ASCC3: variants seen among roughly 807,000 people sequenced by gnomAD.
ASCC3 encodes the protein ASC-1 complex subunit P200.
In ASCC3, 158 loss-of-function variants were observed where a neutral mutation model predicts 256.3. That is an observed-to-expected ratio of 0.62 (90% CI 0.54 to 0.70). The LOEUF (loss-of-function observed/expected upper bound fraction) is 0.70. Ranked by LOEUF, ASCC3 falls within the 30% of genes least tolerant of loss-of-function variation. ASCC3 has a pLI of 0.00. For synonymous variants in ASCC3, 948 were observed against 883.4 expected, an observed-to-expected ratio of 1.07 and a Z score of -1.30; for missense variants, 2,259 against 2,626.0, an observed-to-expected ratio of 0.86 and a Z score of 3.05.
At chr6:100,829,066 G>A (rs1020063525) in intron 4 of ASCC3, among the ~76,000 whole-genome samples, 2 of 152,128 alleles carry the variant, frequency 1.3e-5, no homozygotes, top group Admixed American at 6.6e-5. Flanking sequence ...GTCCCCACCA[G>A]AGTAGCTAGA....
At chr6:100,572,899 A>G (rs775373499) in intron 36 of ASCC3, among the ~76,000 whole-genome samples, 2 of 152,142 alleles carry the variant, frequency 1.3e-5, no homozygotes, top group Non-Finnish European at 2.9e-5. Flanking sequence ...AAAAGTATAT[A>G]TCTTACATGT....
chr6:100,816,504 A>C (rs1182414892), intron 4 of ASCC3, among the ~76,000 whole-genome samples: 2 of 152,220 alleles, frequency 1.3e-5, no homozygotes, highest in Non-Finnish European at 2.9e-5. Context: ...ATATGGAGTC[A>C]ACCTAAATCC....
intron 13 of ASCC3, among the ~76,000 whole-genome samples, chr6:100,690,556 C>A (rs950776960): frequency 6.6e-6 from 1 of 152,060 alleles, no homozygotes; most frequent in African/African-American, 2.4e-5. Context: ...CATTTAACAA[C>A]CAGCACTTAT....
rs577100486 is a variant in ASCC3 at position 100,708,787 on chromosome 6, A to T, written c.2151+6675T>A. Reference sequence around the variant, plus strand: ...TGTTAATCATATTTAAATCACACTTAAAAAAATTCAGGGGCTAAAAGACCA... The same window carrying T: ...TGTTAATCATATTTAAATCACACTTTAAAAAATTCAGGGGCTAAAAGACCA... On this transcript the variant is annotated intron_variant, in intron 13 of 41. Transcript: ENST00000369162. Among the ~76,000 whole-genome samples the T allele has an allele frequency of 1.1e-4, 16 of 152,272 alleles. No individual in the cohort carries two copies. The South Asian group carries it at 3.3e-3, about 32-fold the overall frequency.
At chr6:100,629,892 A>G (rs1486517702) in intron 26 of ASCC3, among the ~76,000 whole-genome samples, 1 of 151,894 alleles carries the variant, frequency 6.6e-6, no homozygotes, top group African/African-American at 2.4e-5. Flanking sequence ...TACTAAAATA[A>G]TTTCTTTTCT....
intron 3 of ASCC3, 56 bp downstream of exon 3, chr6:100,864,008 T>C (rs1284326100): frequency 1.5e-6 from 2 of 1,369,560 alleles, no homozygotes; most frequent in Non-Finnish European, 9.8e-7. Context: ...AAGGAATCTG[T>C]TTTTGAACCT....
intron 13 of ASCC3, among the ~76,000 whole-genome samples, chr6:100,683,422 A>G (rs1427455981): frequency 6.6e-6 from 1 of 152,172 alleles, no homozygotes; most frequent in Admixed American, 6.5e-5. Flanking sequence ...TTAAAGTAAC[A>G]ATTTCATTTT....
chr6:100,807,252 A>G (rs2114370178), intron 4 of ASCC3, among the ~76,000 whole-genome samples: 1 of 152,082 alleles, frequency 6.6e-6, no homozygotes, highest in South Asian at 2.1e-4. Flanking sequence ...TAACAGGAAA[A>G]TGGTCAAGAA....
chr6:100,859,916 T>A (rs1773141270), intron 3 of ASCC3, among the ~76,000 whole-genome samples: 1 of 152,022 alleles, frequency 6.6e-6, no homozygotes, highest in Admixed American at 6.6e-5. Context: ...CAATGCACTC[T>A]GGGACAACTT....
Position 100,734,657 on chromosome 6 carries a change from C to T in ASCC3, c.1738-8954G>A, listed in dbSNP as rs547279570. Among the ~76,000 whole-genome samples, 16 of 152,216 alleles carry T rather than the reference C, an allele frequency of 1.1e-4. No individual in the cohort carries two copies. The East Asian group carries it at 2.9e-3, about 28-fold the overall frequency. On this transcript the variant is annotated intron_variant, in intron 10 of 41. Coordinates refer to ENST00000369162, the MANE Select transcript of ASCC3 (RefSeq NM_006828.4). The stretch of plus-strand genomic sequence containing the variant: ...AAGTGTCTGCTATTATTATTGCTGT[C>T]CCTATCCCCAGTCCTGTACCACCAT...
At chr6:100,659,435 A>G (rs542872778) in intron 16 of ASCC3, among the ~76,000 whole-genome samples, 21 of 151,610 alleles carry the variant, frequency 1.4e-4, no homozygotes, top group African/African-American at 4.6e-4. Flanking sequence ...TAGTTCAACA[A>G]TGGCTATACT....
intron 39 of ASCC3, among the ~76,000 whole-genome samples, chr6:100,514,540 T>C (rs1773926358): frequency 6.6e-6 from 1 of 152,072 alleles, no homozygotes; most frequent in South Asian, 2.1e-4. Context: ...CTTTTATATA[T>C]ATGTAATTTT....
At chr6:100,671,903 T>C (rs772845597) in intron 14 of ASCC3, among the ~76,000 whole-genome samples, 3 of 152,072 alleles carry the variant, frequency 2.0e-5, no homozygotes, top group Middle Eastern at 3.2e-3. Context: ...ATCTGGTCCT[T>C]GCCTAGATTA....
intron 37 of ASCC3, among the ~76,000 whole-genome samples, chr6:100,518,611 G>C (rs558688048): frequency 6.6e-6 from 1 of 152,234 alleles, no homozygotes; most frequent in African/African-American, 2.4e-5. Context: ...TAAAGATAGA[G>C]GCCTGGTTTT....
intron 34 of ASCC3, among the ~76,000 whole-genome samples, chr6:100,595,613 C>A (rs1197451322): frequency 6.6e-6 from 1 of 152,112 alleles, no homozygotes; most frequent in African/African-American, 2.4e-5. Flanking sequence ...TTCAGCATAG[C>A]ACTGAAAAGA....
intron 10 of ASCC3, among the ~76,000 whole-genome samples, chr6:100,747,151 T>C (rs1189114601): frequency 7.2e-6 from 1 of 138,594 alleles, no homozygotes; most frequent in Non-Finnish European, 1.6e-5. Context: ...AAAAAAAACA[T>C]AAAAAGATGC....
intron 10 of ASCC3, among the ~76,000 whole-genome samples, chr6:100,755,366 C>CT (rs56147910): frequency 0.42 from 62,328 of 148,994 alleles, 13,413 homozygotes; most frequent in South Asian, 0.6. Flanking sequence ...TGTGCTTCCT[C>CT]TTTTTTTTTT....
intron 4 of ASCC3, among the ~76,000 whole-genome samples, chr6:100,816,516 A>G (rs187260911): frequency 6.6e-6 from 1 of 152,300 alleles, no homozygotes; most frequent in Admixed American, 6.5e-5. Flanking sequence ...CCTAAATCCC[A>G]TCATTGGTAG....
chr6:100,813,742 CAG>C (rs995454578), intron 4 of ASCC3, among the ~76,000 whole-genome samples: 3 of 151,814 alleles, frequency 2.0e-5, no homozygotes, highest in African/African-American at 2.4e-5. Context: ...TCAACAATAA[CAG>C]TCGGAGGGTG....
Sources: allele counts gnomAD v4.1 joint callset (sites outside exome capture counted in the v4.1 genomes callset), GRCh38; gene constraint gnomAD v4.1.1; transcripts MANE v1.5; gene names NCBI Gene and HGNC (gene_info 2026-07-23, HGNC 2026-07-21).